The following ARL15 variants were observed in gnomAD, a reference collection of about 807,000 sequenced individuals.
The protein encoded by ARL15 is ADP-ribosylation factor-like protein 15.
Under a neutral mutation model 25.2 loss-of-function variants are expected in ARL15, and 19 were observed. The ratio of observed to expected loss-of-function variants is 0.75; its 90% CI spans 0.53 to 1.10. The LOEUF is 1.10. ARL15 is among the 50% of genes least tolerant of loss of function. ARL15 has a pLI of 0.00. For synonymous variants in ARL15, 94 were observed against 86.8 expected, an observed-to-expected ratio of 1.08 and a Z score of -0.46; for missense variants, 220 against 246.0, an observed-to-expected ratio of 0.89 and a Z score of 0.71.
chr5:53,934,285 T>A (rs974682895), intron 4 of ARL15, among the ~76,000 whole-genome samples: 11 of 152,218 alleles, frequency 7.2e-5, no homozygotes, highest in Non-Finnish European at 1.6e-4. Flanking sequence ...AAATGCAGAA[T>A]TCCCGGATGC....
In ARL15 at chr5:54,107,219, G is replaced by C. The variant is rs553280251; in HGVS notation, c.462+5983C>G. On this transcript the variant is annotated intron_variant, in intron 4 of 4. Transcript: ENST00000504924. ...TAGCACAGGAAAGACTGGCCCCCAC[G>C]ATTCAATTGCCTCCTCCTGGCTCCC... 5.1e-4 allele frequency among the ~76,000 whole-genome samples: 78 copies of C among 152,210 alleles called. 2 individuals carry two copies. Among genetic ancestry groups the C allele is most frequent in the Admixed American group, 1.0e-3 (16 of 15,288 alleles).
At chr5:54,290,294 A>ACT (rs1758290806) in intron 1 of ARL15, among the ~76,000 whole-genome samples, 1 of 150,556 alleles carries the variant, frequency 6.6e-6, no homozygotes, top group African/African-American at 2.5e-5. Flanking sequence ...TATATCAACT[A>ACT]TCACTCAACC....
intron 4 of ARL15, among the ~76,000 whole-genome samples, chr5:53,959,594 G>A (rs968276457): frequency 2.0e-5 from 3 of 152,124 alleles, no homozygotes; most frequent in Non-Finnish European, 2.9e-5. Context: ...AAGGGGTAAC[G>A]ATACTCTGCC....
At chr5:53,984,895 CT>C (rs1447773666) in intron 4 of ARL15, among the ~76,000 whole-genome samples, 1 of 152,162 alleles carries the variant, frequency 6.6e-6, no homozygotes, top group Non-Finnish European at 1.5e-5. Context: ...AGCTAGGCCA[CT>C]TCCTTTGACC....
chr5:54,273,383 AAAATGTTTAATCTT>A lies in ARL15; in HGVS notation c.48+37035_48+37048del, dbSNP rs1757841168. Among the ~76,000 whole-genome samples the A allele has an allele frequency of 1.3e-5, 2 of 152,208 alleles. 1 individual carries two copies. The highest frequency in any genetic ancestry group is 4.1e-4 in the South Asian group (2 of 4,830). ...TGTCACCTATGGAATATTCCTGTCCAAAATGTTTAATCTTAACCTAATCACGAAGAAACAATTAG... is the reference window on the plus strand; with the variant it reads ...TGTCACCTATGGAATATTCCTGTCCAAACCTAATCACGAAGAAACAATTAG... On this transcript the variant is annotated intron_variant, in intron 1 of 4. Transcript: ENST00000504924.
chr5:53,999,101 T>C (rs1748774247), intron 4 of ARL15, among the ~76,000 whole-genome samples: 1 of 151,960 alleles, frequency 6.6e-6, no homozygotes, highest in African/African-American at 2.4e-5. Context: ...AGAAATCTCC[T>C]AGGTAGAAAG....
At chr5:54,070,138 C>A (rs1051102840) in intron 4 of ARL15, among the ~76,000 whole-genome samples, 3 of 151,518 alleles carry the variant, frequency 2.0e-5, no homozygotes, top group Non-Finnish European at 4.4e-5. Flanking sequence ...CGCCAGTAAT[C>A]CCAGCACTTT....
intron 1 of ARL15, among the ~76,000 whole-genome samples, chr5:54,233,256 T>C (rs1235706602): frequency 6.6e-6 from 1 of 152,224 alleles, no homozygotes; most frequent in Non-Finnish European, 1.5e-5. Context: ...TGAACCTAAC[T>C]AACTTCTCTT....
intron 1 of ARL15, among the ~76,000 whole-genome samples, chr5:54,203,454 A>C (rs1288654758): frequency 6.6e-6 from 1 of 152,186 alleles, no homozygotes; most frequent in Admixed American, 6.6e-5. Flanking sequence ...TGGATAATCA[A>C]CTATTTTATA....
At chr5:54,000,608 C>T (rs188590753) in intron 4 of ARL15, among the ~76,000 whole-genome samples, 9 of 152,254 alleles carry the variant, frequency 5.9e-5, no homozygotes, top group East Asian at 1.9e-4. Flanking sequence ...CCTGTCTCTG[C>T]GGTACATATA....
chr5:53,966,430 G>C (rs1473507823), intron 4 of ARL15, among the ~76,000 whole-genome samples: 1 of 152,156 alleles, frequency 6.6e-6, no homozygotes, highest in East Asian at 1.9e-4. Context: ...GTGTTTCCCT[G>C]AGTTCTGTGT....
In ARL15 at chr5:53,925,199, T is replaced by A. The variant is rs979814836; in HGVS notation, c.463-38486A>T. ...CTACAGTTTCATAATTCTATTTTTATAATTTTTTTTTTTTTGAGAAGGTGT... is the reference window on the plus strand; with the variant it reads ...CTACAGTTTCATAATTCTATTTTTAAAATTTTTTTTTTTTTGAGAAGGTGT... On this transcript the variant is annotated intron_variant, in intron 4 of 4. Coordinates refer to ENST00000504924, the MANE Select transcript of ARL15 (RefSeq NM_019087.3). Among the ~76,000 whole-genome samples the A allele has an allele frequency of 2.4e-4, 30 of 124,074 alleles. No individual in the cohort carries two copies. In the South Asian group the frequency reaches 6.6e-3, roughly 27 times the overall value. 81.4% of individuals were successfully genotyped at this position (124,074 alleles called of 152,430 possible).
chr5:54,067,147 A>AT (rs1357373816), intron 4 of ARL15: 3 of 152,522 alleles, frequency 2.0e-5, no homozygotes, highest in Admixed American at 2.0e-4. Context: ...ACATCAAAAT[A>AT]TTTTTTCTCA....
chr5:53,999,975 G>A (rs1748801338), intron 4 of ARL15, among the ~76,000 whole-genome samples: 1 of 152,080 alleles, frequency 6.6e-6, no homozygotes, highest in African/African-American at 2.4e-5. Flanking sequence ...GGGTATAGTA[G>A]ACAGAAAAAA....
At chr5:54,165,845 G>A (rs1267137730) in intron 2 of ARL15, among the ~76,000 whole-genome samples, 2 of 151,890 alleles carry the variant, frequency 1.3e-5, no homozygotes, top group Non-Finnish European at 2.9e-5. Context: ...GCAGGCTGGA[G>A]ACCCAGGAAA....
chr5:53,902,290 C>G (rs1175847016), intron 4 of ARL15, among the ~76,000 whole-genome samples: 1 of 152,234 alleles, frequency 6.6e-6, no homozygotes, highest in East Asian at 1.9e-4. Flanking sequence ...TCTAGCTATT[C>G]TCCCTGCTAA....
chr5:54,122,046 C>T (rs1753096490), intron 3 of ARL15, among the ~76,000 whole-genome samples: 1 of 152,110 alleles, frequency 6.6e-6, no homozygotes, highest in African/African-American at 2.4e-5. Flanking sequence ...AGATGCTGAA[C>T]AAAAGAGGCA....
rs1043426023 is a variant in ARL15 at position 53,905,021 on chromosome 5, G to A, written c.463-18308C>T. On this transcript the variant is annotated intron_variant, in intron 4 of 4. Transcript: ENST00000504924. ...AGGATTACAGGTGTGAACCACCAGC[G>A]CCTGGCCTTTTAGCCAGTTCTTGAT... Among the ~76,000 whole-genome samples, 12 of 152,238 alleles carry A rather than the reference G, an allele frequency of 7.9e-5. No individual in the cohort carries two copies. In the East Asian group the frequency reaches 1.4e-3, roughly 17 times the overall value.
intron 3 of ARL15, among the ~76,000 whole-genome samples, chr5:54,129,979 C>T (rs920307837): frequency 1.3e-5 from 2 of 152,190 alleles, no homozygotes; most frequent in Non-Finnish European, 2.9e-5. Flanking sequence ...TGGCTCATGC[C>T]TATAATCCCA....
Sources: gnomAD v4.1 joint callset for allele counts (sites outside exome capture counted in the v4.1 genomes callset) on GRCh38, gnomAD v4.1.1 for gene constraint, MANE v1.5 for transcripts, NCBI Gene and HGNC (gene_info 2026-07-23, HGNC 2026-07-21) for gene names.